TMED8: variants seen among roughly 807,000 people sequenced by gnomAD.
TMED8 encodes the protein protein TMED8.
In TMED8, 15 loss-of-function variants were observed where a neutral mutation model predicts 32.7. The ratio of observed to expected loss-of-function variants is 0.46; its 90% CI spans 0.31 to 0.71. The LOEUF (loss-of-function observed/expected upper bound fraction) is 0.71, where lower values mean the gene tolerates loss of function less well. TMED8 is among the 30% of genes least tolerant of loss of function. The pLI, the probability that TMED8 is intolerant of heterozygous loss-of-function variation, is 0.06. For synonymous variants in TMED8, 147 were observed against 161.4 expected, an observed-to-expected ratio of 0.91 and a Z score of 0.68; for missense variants, 390 against 423.9, an observed-to-expected ratio of 0.92 and a Z score of 0.70.
chr14:77,344,931 T>C (rs1249116855), intron 3 of TMED8, among the ~76,000 whole-genome samples: 1 of 152,206 alleles, frequency 6.6e-6, no homozygotes, highest in Non-Finnish European at 1.5e-5. Flanking sequence ...TGCAACATAT[T>C]AGCTACATAG....
intron 1 of TMED8, among the ~76,000 whole-genome samples, chr14:77,354,229 A>G (rs1178685406): frequency 6.6e-6 from 1 of 152,220 alleles, no homozygotes; most frequent in Admixed American, 6.5e-5. Context: ...ATAATACCTT[A>G]ACCAGGCACT....
intron 1 of TMED8, among the ~76,000 whole-genome samples, chr14:77,361,061 CCT>C (rs1893424496): frequency 1.3e-5 from 2 of 150,226 alleles, no homozygotes; most frequent in African/African-American, 4.9e-5. Flanking sequence ...ACTGCAACAA[CCT>C]CTGTCTCCCA....
At chr14:77,352,123 G>T (rs1259191451) in intron 1 of TMED8, among the ~76,000 whole-genome samples, 2 of 151,474 alleles carry the variant, frequency 1.3e-5, no homozygotes, top group Non-Finnish European at 2.9e-5. Flanking sequence ...AACAGAGCAA[G>T]ACCCTGTCTC....
At chr14:77,367,465 T>A (rs111713128) in intron 1 of TMED8, among the ~76,000 whole-genome samples, 32 of 152,120 alleles carry the variant, frequency 2.1e-4, no homozygotes, top group African/African-American at 7.7e-4. Context: ...CTATCCCAAC[T>A]ATGGACATTA....
In TMED8 at chr14:77,372,752, C is replaced by T. The variant is rs141668338; in HGVS notation, c.118+4184G>A. 1.5e-4 allele frequency among the ~76,000 whole-genome samples: 22 copies of T among 151,208 alleles called. No homozygotes were observed. The East Asian group carries it at 4.3e-3, about 29-fold the overall frequency. ...ACTGTAAGAAAAAGAAAGCCACAGG[C>T]AGACAAAATGTTAACATTTTGACAT... On this transcript the variant is annotated intron_variant, in intron 1 of 5. Transcript: ENST00000216468.
At chr14:77,358,863 G>GA (rs1228342488) in intron 1 of TMED8, among the ~76,000 whole-genome samples, 1 of 151,932 alleles carries the variant, frequency 6.6e-6, no homozygotes, top group Non-Finnish European at 1.5e-5. Context: ...CCCCATCTTA[G>GA]AAAAAAATAC....
intron 5 of TMED8, among the ~76,000 whole-genome samples, chr14:77,342,584 C>G (rs1892931500): frequency 6.6e-6 from 1 of 152,176 alleles, no homozygotes; most frequent in South Asian, 2.1e-4. Context: ...AGGAATAAGA[C>G]TAATGCTTAG....
At chr14:77,344,627 T>C (rs1892984820) in intron 3 of TMED8, among the ~76,000 whole-genome samples, 1 of 152,220 alleles carries the variant, frequency 6.6e-6, no homozygotes. Context: ...TATACCTTAA[T>C]TTCTGCCCCT....
intron 1 of TMED8, among the ~76,000 whole-genome samples, chr14:77,369,928 G>A (rs1893638643): frequency 6.6e-6 from 1 of 152,078 alleles, no homozygotes; most frequent in African/African-American, 2.4e-5. Flanking sequence ...GGGAGGCGGA[G>A]GCGGGAGGGC....
chr14:77,375,254 C>T (rs1399077845), intron 1 of TMED8, among the ~76,000 whole-genome samples: 1 of 151,872 alleles, frequency 6.6e-6, no homozygotes, highest in African/African-American at 2.4e-5. Context: ...ACCCTGCATT[C>T]TGAGGGTAAG....
intron 1 of TMED8, among the ~76,000 whole-genome samples, chr14:77,372,931 TATATATA>T (rs1444288628): frequency 3.0e-5 from 1 of 33,588 alleles, no homozygotes; most frequent in African/African-American, 1.9e-4. Context: ...TATATATATA[TATATATA>T]TATATATATA....
intron 1 of TMED8, among the ~76,000 whole-genome samples, chr14:77,374,351 A>C (rs576470358): frequency 1.3e-5 from 2 of 152,360 alleles, no homozygotes; most frequent in South Asian, 4.1e-4. Flanking sequence ...TAACTCTAAC[A>C]CAGCGTTCCC....
chr14:77,351,645 G>A (rs913800144), intron 2 of TMED8, 28 bp downstream of exon 2: 10 of 1,583,520 alleles, frequency 6.3e-6, no homozygotes, highest in African/African-American at 1.4e-5. Flanking sequence ...GATAAAACCT[G>A]TGAAAGCATT....
Position 77,377,065 on chromosome 14 carries a change from G to A in TMED8, c.-12C>T. On this transcript the variant is annotated 5_prime_UTR_variant, in exon 1 of 6. Coordinates refer to ENST00000216468, the MANE Select transcript of TMED8 (RefSeq NM_213601.3). ...TGCAGGTCAGACATCTGCAGCCCGC[G>A]CACGGAGCTCTCCGCTGCCAGCCGC... 1 of 1,344,334 alleles carries A rather than the reference G, an allele frequency of 7.4e-7. No individual in the cohort carries two copies. Among genetic ancestry groups the A allele is most frequent in the Non-Finnish European group, 9.5e-7 (1 of 1,048,336 alleles). The allele number at this position is 1,344,334 out of a possible 1,614,324, so 83.3% of individuals were successfully genotyped here.
intron 2 of TMED8, among the ~76,000 whole-genome samples, chr14:77,350,483 C>G (rs1225924111): frequency 1.3e-5 from 2 of 152,044 alleles, no homozygotes; most frequent in Non-Finnish European, 2.9e-5. Context: ...TAATTTTTGC[C>G]TGGGAATAAA....
At chr14:77,346,134 C>T (rs1272698065) in intron 3 of TMED8, among the ~76,000 whole-genome samples, 2 of 152,136 alleles carry the variant, frequency 1.3e-5, no homozygotes, top group Admixed American at 6.6e-5. Flanking sequence ...TTTTCTGAAT[C>T]GGTGCCTACT....
intron 1 of TMED8, among the ~76,000 whole-genome samples, chr14:77,353,958 A>G (rs572990050): frequency 1.3e-5 from 2 of 152,262 alleles, no homozygotes; most frequent in Admixed American, 6.5e-5. Context: ...TTTCTAATAA[A>G]TTCTACTCTT....
At chr14:77,346,214 A>G in intron 3 of TMED8, 135 bp downstream of exon 3, 1 of 852,264 alleles carries the variant, frequency 1.2e-6, no homozygotes, top group East Asian at 2.7e-5. Flanking sequence ...ATGAAGACCA[A>G]GATGCCCTAA....
intron 1 of TMED8, among the ~76,000 whole-genome samples, chr14:77,360,973 CTTTT>C (rs71128616): frequency 4.7e-5 from 4 of 85,466 alleles, no homozygotes; most frequent in Admixed American, 2.5e-4. Flanking sequence ...GATCCTTTGC[CTTTT>C]TTTTTTTTTT....
Sources: gnomAD v4.1 joint callset for allele counts (sites outside exome capture counted in the v4.1 genomes callset) on GRCh38, gnomAD v4.1.1 for gene constraint, MANE v1.5 for transcripts, NCBI Gene and HGNC (gene_info 2026-07-23, HGNC 2026-07-21) for gene names.